The following SLC44A5 variants were observed in gnomAD, a reference collection of about 807,000 sequenced individuals.
The protein encoded by SLC44A5 is choline transporter-like protein 5.
A neutral mutation model predicts 101.8 loss-of-function variants in SLC44A5; 57 were observed. The observed-to-expected ratio is 0.56, with a 90% confidence interval of 0.45 to 0.70. The LOEUF (loss-of-function observed/expected upper bound fraction) is 0.70. SLC44A5 is among the 30% of genes least tolerant of loss of function. SLC44A5 has a pLI of 0.00. For missense variants in SLC44A5, 737 were observed against 853.1 expected (o/e 0.86, Z 1.70); for synonymous variants, 281 against 290.9 (o/e 0.97, Z 0.35).
In SLC44A5 at chr1:75,457,782, G is replaced by A. The variant is rs374228955; in HGVS notation, c.14-61161C>T. ...TGAGGCAGGAAAATAGCTTGAACCC[G>A]CGAGGCGGAGGTTGCAGTGAACTGA... On this transcript the variant is annotated intron_variant, in intron 2 of 23. Transcript: ENST00000370859. 4.6e-4 allele frequency among the ~76,000 whole-genome samples: 70 copies of A among 152,086 alleles called. No individual in the cohort carries two copies. The South Asian group carries it at 7.9e-3, about 17-fold the overall frequency.
the SLC44A5 span, among the ~76,000 whole-genome samples, chr1:75,721,264 G>A: frequency 0.24 from 36,863 of 152,082 alleles, 4,873 homozygotes; most frequent in Non-Finnish European, 0.3. Context: ...TTAGAATTTT[G>A]TTTTTGGTTT....
At chr1:75,315,797 T>C (rs1461202321) in intron 4 of SLC44A5, among the ~76,000 whole-genome samples, 1 of 152,156 alleles carries the variant, frequency 6.6e-6, no homozygotes, top group African/African-American at 2.4e-5. Context: ...AGATTTTCTC[T>C]CTTCTCCTTA....
intron 2 of SLC44A5, among the ~76,000 whole-genome samples, chr1:75,515,631 CTTATTTCA>C (rs1376497882): frequency 6.6e-6 from 1 of 152,170 alleles, no homozygotes; most frequent in Admixed American, 6.5e-5. Context: ...AGGCTGAACA[CTTATTTCA>C]TTTTTTTAAT....
chr1:75,423,295 A>T (rs113178472), intron 2 of SLC44A5, among the ~76,000 whole-genome samples: 2 of 152,346 alleles, frequency 1.3e-5, no homozygotes, highest in African/African-American at 4.8e-5. Flanking sequence ...ATATAAACAT[A>T]TCATACTGCA....
intron 3 of SLC44A5, among the ~76,000 whole-genome samples, chr1:75,376,531 C>T (rs1432310919): frequency 2.0e-5 from 3 of 152,282 alleles, no homozygotes; most frequent in Admixed American, 6.5e-5. Context: ...CCCTAAACCC[C>T]GAGCAGCCTA....
chr1:75,560,512 G>A (rs1168694958), intron 1 of SLC44A5, among the ~76,000 whole-genome samples: 2 of 152,260 alleles, frequency 1.3e-5, no homozygotes, highest in South Asian at 4.1e-4. Flanking sequence ...ATATTCTGGT[G>A]ATAGTTGCAC....
At chr1:75,388,235 TCC>T (rs1661526897) in intron 3 of SLC44A5, among the ~76,000 whole-genome samples, 4 of 115,730 alleles carry the variant, frequency 3.5e-5, no homozygotes, top group Non-Finnish European at 3.6e-5. Context: ...AATAAATAAA[TCC>T]AAAAAAAAAC....
At chr1:75,316,498 A>G (rs949773939) in intron 4 of SLC44A5, among the ~76,000 whole-genome samples, 5 of 152,222 alleles carry the variant, frequency 3.3e-5, no homozygotes, top group Admixed American at 6.5e-5. Flanking sequence ...CCTCTGGCAT[A>G]ACACTGTGTT....
the SLC44A5 span, among the ~76,000 whole-genome samples, chr1:75,663,297 G>A: frequency 6.6e-6 from 1 of 152,066 alleles, no homozygotes; most frequent in Non-Finnish European, 1.5e-5. Context: ...TTATGAAAGG[G>A]ACCTCAGCAT....
At chr1:75,587,073 A>G (rs1347913736) in intron 1 of SLC44A5, among the ~76,000 whole-genome samples, 2 of 152,142 alleles carry the variant, frequency 1.3e-5, no homozygotes, top group Non-Finnish European at 2.9e-5. Context: ...GTATGTCACA[A>G]CTGAAGAGGG....
At chr1:75,419,500 T>C (rs1264816763) in intron 2 of SLC44A5, among the ~76,000 whole-genome samples, 1 of 149,700 alleles carries the variant, frequency 6.7e-6, no homozygotes, top group Non-Finnish European at 1.5e-5. Flanking sequence ...TCGTGTGAAA[T>C]TCTGTACCAG....
intron 23 of SLC44A5, among the ~76,000 whole-genome samples, chr1:75,208,581 A>T (rs377702470): frequency 1.2e-4 from 19 of 152,210 alleles, no homozygotes; most frequent in African/African-American, 4.6e-4. Context: ...AGGATGGAAA[A>T]GGCATTACAT....
intron 1 of SLC44A5, among the ~76,000 whole-genome samples, chr1:75,590,412 T>C (rs2102105382): frequency 6.6e-6 from 1 of 152,242 alleles, no homozygotes; most frequent in South Asian, 2.1e-4. Context: ...ACCCAGGTAC[T>C]ACATCAAGGG....
intron 1 of SLC44A5, among the ~76,000 whole-genome samples, chr1:75,586,526 A>G (rs552541177): frequency 1.6e-5 from 2 of 123,096 alleles, no homozygotes; most frequent in African/African-American, 5.5e-5. Context: ...TATATTTTAG[A>G]TGTCTGGAGT....
chr1:75,652,260 A>G, the SLC44A5 span, among the ~76,000 whole-genome samples: 6 of 152,178 alleles, frequency 3.9e-5, no homozygotes, highest in Non-Finnish European at 8.8e-5. Flanking sequence ...ACCAACATAT[A>G]AAACCCTAAG....
At chr1:75,490,337 T>C (rs1668363348) in intron 2 of SLC44A5, among the ~76,000 whole-genome samples, 1 of 152,198 alleles carries the variant, frequency 6.6e-6, no homozygotes, top group South Asian at 2.1e-4. Context: ...AAATTGCTTA[T>C]GTCTTTAACA....
At position 75,300,453 on chromosome 1, in the gene SLC44A5, C is replaced by T. The variant is rs536562887; in HGVS notation, c.175+159G>A. Among the ~76,000 whole-genome samples, 84 of 152,232 alleles carry T rather than the reference C, an allele frequency of 5.5e-4. 2 individuals are homozygous for T. The highest frequency in any genetic ancestry group is 6.8e-3 in the Middle Eastern group (2 of 294). On this transcript the variant is annotated intron_variant, in intron 5 of 23. Transcript: ENST00000370859. ...TTTTATGTTCATTTTTTATTGTCTG[C>T]TACCCGATAAATCCTGGTGAGGCAC...
At chr1:75,674,481 G>A in the SLC44A5 span, among the ~76,000 whole-genome samples, 1 of 152,118 alleles carries the variant, frequency 6.6e-6, no homozygotes, top group Admixed American at 6.5e-5. Flanking sequence ...CCGTGTTCAA[G>A]CGATTATCCT....
chr1:75,238,354 A>C (rs2100588443), intron 10 of SLC44A5, among the ~76,000 whole-genome samples, 159 bp downstream of exon 10: 2 of 144,768 alleles, frequency 1.4e-5, no homozygotes, highest in Middle Eastern at 3.5e-3. Context: ...ATATGTATCA[A>C]GCTCTTCAAT....
Sources: allele counts gnomAD v4.1 joint callset (sites outside exome capture counted in the v4.1 genomes callset), GRCh38; gene constraint gnomAD v4.1.1; transcripts MANE v1.5; gene names NCBI Gene and HGNC (gene_info 2026-07-23, HGNC 2026-07-21).